ACAD10: variants seen among roughly 807,000 people sequenced by gnomAD.
The protein encoded by ACAD10 is ACAD-10.
A neutral mutation model predicts 116.8 loss-of-function variants in ACAD10; 112 were observed. The ratio of observed to expected loss-of-function variants is 0.96; its 90% CI spans 0.82 to 1.12. The LOEUF (loss-of-function observed/expected upper bound fraction) is 1.12. Among genes scored for constraint, ACAD10 ranks in the 50% most tolerant of loss-of-function variants. The pLI, the probability that ACAD10 is intolerant of heterozygous loss-of-function variation, is 0.00. For missense variants in ACAD10, 1,259 were observed against 1,350.2 expected, an observed-to-expected ratio of 0.93 and a Z score of 1.06; for synonymous variants, 486 against 510.6, an observed-to-expected ratio of 0.95 and a Z score of 0.65.
chr12:111,746,101 A>C (rs1889888327), intron 13 of ACAD10, 43 bp from the exon 14 acceptor site: 2 of 1,595,454 alleles, frequency 1.3e-6, no homozygotes, highest in Middle Eastern at 1.7e-4. Context: ...AAATAAAATG[A>C]AATCTTCCAC....
At chr12:111,702,712 CAA>C (rs1284483930) in intron 3 of ACAD10, among the ~76,000 whole-genome samples, 4 of 151,954 alleles carry the variant, frequency 2.6e-5, no homozygotes, top group African/African-American at 4.8e-5. Flanking sequence ...ACTTGAGCAA[CAA>C]GAGCGAAACT....
At chr12:111,749,674 C>T in intron 18 of ACAD10, 2 of 256,318 alleles carry the variant, frequency 7.8e-6, no homozygotes, top group Non-Finnish European at 7.4e-6. Context: ...CAGCTATAAT[C>T]CCAGTACTTT....
At chr12:111,702,119 A>T (rs751043463) in intron 2 of ACAD10, 43 bp from the exon 3 acceptor site, 1 of 1,595,784 alleles carries the variant, frequency 6.3e-7, no homozygotes, top group South Asian at 1.1e-5. Flanking sequence ...AAACCCCAGC[A>T]TGTATCAATG....
chr12:111,706,782 A>ATATATATTTTTT (rs778649893), intron 4 of ACAD10, among the ~76,000 whole-genome samples: 2 of 126,504 alleles, frequency 1.6e-5, no homozygotes, highest in African/African-American at 6.3e-5. Context: ...ATATATATAT[A>ATATATATTTTTT]TTTTTTTTTT....
chr12:111,695,864 A>G (rs1888176267), intron 2 of ACAD10, among the ~76,000 whole-genome samples: 1 of 151,914 alleles, frequency 6.6e-6, no homozygotes, highest in Non-Finnish European at 1.5e-5. Context: ...AAATTCAAAA[A>G]TAAGCGGGGC....
At chr12:111,705,220 T>A (rs1201694749) in intron 3 of ACAD10, among the ~76,000 whole-genome samples, 1 of 152,018 alleles carries the variant, frequency 6.6e-6, no homozygotes, top group Non-Finnish European at 1.5e-5. Flanking sequence ...AAAGAACTCA[T>A]TTAATTGTAA....
chr12:111,716,106 C>G lies in ACAD10; in HGVS notation c.992+144C>G, dbSNP rs917270759. On this transcript the variant is annotated intron_variant, in intron 7 of 20. Transcript: ENST00000313698. ...ATGGGCCAGGCTTGGTGGGTCACAC[C>G]TATAATCCCAGTGCCTTGGGAGACC... 13 of 1,240,442 alleles carry G rather than the reference C, an allele frequency of 1.0e-5. No homozygotes were observed. In the African/African-American group the frequency reaches 2.0e-4, roughly 19 times the overall value. 76.8% of individuals were successfully genotyped at this position (1,240,442 alleles called of 1,614,324 possible). A position where few individuals can be genotyped will look rare whatever the true frequency, so the allele number is the denominator to read the frequency against.
At chr12:111,693,182 G>T in intron 2 of ACAD10, 1 of 395,940 alleles carries the variant, frequency 2.5e-6, no homozygotes, top group Non-Finnish European at 4.6e-6. Context: ...TTAGCACAGT[G>T]ATTGCTCAGT....
At chr12:111,738,362 C>A (rs2135982720) in intron 12 of ACAD10, among the ~76,000 whole-genome samples, 1 of 149,164 alleles carries the variant, frequency 6.7e-6, no homozygotes, top group African/African-American at 2.5e-5. Flanking sequence ...AGGAGACTCA[C>A]TTGAACCTGG....
rs897285742 is a variant in ACAD10 at position 111,686,213 on chromosome 12, A to T, written c.-40A>T. The T allele has an allele frequency of 6.5e-6, 1 of 152,960 alleles. No homozygotes were observed. The highest frequency in any genetic ancestry group is 2.4e-5 in the African/African-American group (1 of 41,452). The allele number at this position is 152,960 out of a possible 1,614,324, so 9.5% of individuals were successfully genotyped here. On this transcript the variant is annotated 5_prime_UTR_variant, in exon 1 of 21. Transcript: ENST00000313698. ...GCCTCGTCCTAATCCACCTCGGCTG[A>T]CGGCGCGGGATCCCTGGCTCCGCGA...
intron 12 of ACAD10, among the ~76,000 whole-genome samples, chr12:111,737,413 C>T (rs929795967): frequency 3.9e-5 from 6 of 152,098 alleles, no homozygotes; most frequent in South Asian, 2.1e-4. Context: ...TCTCGAACTC[C>T]GGGCCTCAAG....
At chr12:111,714,245 C>CAAA (rs1318832988) in intron 6 of ACAD10, among the ~76,000 whole-genome samples, 4 of 93,626 alleles carry the variant, frequency 4.3e-5, no homozygotes, top group Admixed American at 1.1e-4. Context: ...GCTCTGTCTC[C>CAAA]AAAAAAAAAA....
intron 1 of ACAD10, among the ~76,000 whole-genome samples, chr12:111,688,911 G>A (rs1887960485): frequency 6.6e-6 from 1 of 152,072 alleles, no homozygotes; most frequent in Non-Finnish European, 1.5e-5. Context: ...TTATAATACT[G>A]GCTGGGCACG....
At chr12:111,717,109 C>T (rs1203858665) in intron 7 of ACAD10, among the ~76,000 whole-genome samples, 1 of 152,014 alleles carries the variant, frequency 6.6e-6, no homozygotes, top group Non-Finnish European at 1.5e-5. Flanking sequence ...AAAAGTAAGC[C>T]TTAAAGAAAC....
At chr12:111,746,016 T>C (rs1593052477) in intron 13 of ACAD10, 128 bp from the exon 14 acceptor site, 1 of 1,202,848 alleles carries the variant, frequency 8.3e-7, no homozygotes, top group South Asian at 1.5e-5. Context: ...CCTCATATCA[T>C]TTTTTTGGGC....
At chr12:111,740,584 C>G (rs2135984584) in intron 12 of ACAD10, among the ~76,000 whole-genome samples, 1 of 151,072 alleles carries the variant, frequency 6.6e-6, no homozygotes, top group East Asian at 1.9e-4. Flanking sequence ...ATGATGAAAC[C>G]CCGTCTCTAC....
chr12:111,689,016 T>C (rs1464119476), intron 1 of ACAD10, among the ~76,000 whole-genome samples: 1 of 151,320 alleles, frequency 6.6e-6, no homozygotes, highest in African/African-American at 2.4e-5. Context: ...CATGGTGAAA[T>C]CCTGTCTCCA....
chr12:111,727,704 G>T (rs1889257158), intron 8 of ACAD10, among the ~76,000 whole-genome samples: 1 of 152,074 alleles, frequency 6.6e-6, no homozygotes, highest in African/African-American at 2.4e-5. Context: ...AGCATAGATG[G>T]GTGTGCATGT....
At chr12:111,698,325 C>T (rs1168386653) in intron 2 of ACAD10, among the ~76,000 whole-genome samples, 4 of 137,722 alleles carry the variant, frequency 2.9e-5, no homozygotes, top group Non-Finnish European at 6.1e-5. Flanking sequence ...CAGAGAGCAT[C>T]TTGCTGTATG....
Sources: gnomAD v4.1 joint callset for allele counts (sites outside exome capture counted in the v4.1 genomes callset) on GRCh38, gnomAD v4.1.1 for gene constraint, MANE v1.5 for transcripts, NCBI Gene and HGNC (gene_info 2026-07-23, HGNC 2026-07-21) for gene names.